The following SAMD5 variants were observed in gnomAD, a reference collection of about 807,000 sequenced individuals.
The protein encoded by SAMD5 is sterile alpha motif domain-containing protein 5.
SAMD5 carries 13 observed loss-of-function variants against 11.3 expected under a neutral mutation model. The ratio of observed to expected loss-of-function variants is 1.15; its 90% CI spans 0.75 to 1.83. SAMD5 has a LOEUF of 1.83. Ranked by LOEUF, SAMD5 falls within the 40% of genes most tolerant of loss-of-function variation. The pLI is 0.00. For synonymous variants in SAMD5, 129 were observed against 111.3 expected (o/e 1.16, Z -1.00); for missense variants, 255 against 239.1 (o/e 1.07, Z -0.44).
At chr6:147,670,345 C>A (rs981938584) in intron 1 of SAMD5, among the ~76,000 whole-genome samples, 1 of 152,158 alleles carries the variant, frequency 6.6e-6, no homozygotes, top group African/African-American at 2.4e-5. Flanking sequence ...ATTGAATGAG[C>A]ATTAGCTTCA....
intron 1 of SAMD5, among the ~76,000 whole-genome samples, chr6:147,691,487 C>A (rs7753649): frequency 5.9e-5 from 9 of 151,902 alleles, no homozygotes; most frequent in African/African-American, 2.2e-4. Flanking sequence ...ACCAAGAGAT[C>A]GTTTGTTACC....
At chr6:147,563,348 T>A (rs1788985006) in intron 1 of SAMD5, among the ~76,000 whole-genome samples, 1 of 152,204 alleles carries the variant, frequency 6.6e-6, no homozygotes, top group Non-Finnish European at 1.5e-5. Flanking sequence ...TGATTTTTAT[T>A]TTTTGGGAGC....
chr6:147,867,284 T>G, the SAMD5 span, among the ~76,000 whole-genome samples: 6 of 150,452 alleles, frequency 4.0e-5, no homozygotes, highest in African/African-American at 1.5e-4. Context: ...AAAAGGTTTT[T>G]TTTTTTTTTT....
At chr6:147,851,574 A>G in the SAMD5 span, among the ~76,000 whole-genome samples, 1 of 152,184 alleles carries the variant, frequency 6.6e-6, no homozygotes, top group African/African-American at 2.4e-5. Context: ...CGAAGTGGTC[A>G]TGTTCTGCCT....
chr6:147,899,519 T>C, the SAMD5 span, among the ~76,000 whole-genome samples: 1 of 152,122 alleles, frequency 6.6e-6, no homozygotes, highest in Non-Finnish European at 1.5e-5. Context: ...ATGGAAAAAA[T>C]AGACTAGCAG....
At chr6:147,524,249 T>C (rs989237111) in intron 1 of SAMD5, among the ~76,000 whole-genome samples, 6 of 152,048 alleles carry the variant, frequency 3.9e-5, no homozygotes, top group African/African-American at 1.2e-4. Context: ...TGACCCACTT[T>C]ATGTGTTCTC....
the SAMD5 span, among the ~76,000 whole-genome samples, chr6:147,836,018 G>A: frequency 3.3e-5 from 5 of 152,190 alleles, no homozygotes; most frequent in African/African-American, 1.2e-4. Flanking sequence ...TGTGAACAAG[G>A]CTTGGCACCA....
At chr6:147,795,860 T>C in the SAMD5 span, among the ~76,000 whole-genome samples, 2 of 152,152 alleles carry the variant, frequency 1.3e-5, no homozygotes, top group Admixed American at 6.5e-5. Flanking sequence ...TGCATAAATG[T>C]GTTCTTTTGA....
intron 1 of SAMD5, among the ~76,000 whole-genome samples, chr6:147,627,699 G>A (rs1159808855): frequency 6.6e-6 from 1 of 152,074 alleles, no homozygotes; most frequent in Non-Finnish European, 1.5e-5. Context: ...ATGATGCCCA[G>A]TCTAGATTTT....
At chr6:147,735,607 A>G (rs1042778047) in intron 1 of SAMD5, among the ~76,000 whole-genome samples, 2 of 152,176 alleles carry the variant, frequency 1.3e-5, no homozygotes, top group Non-Finnish European at 2.9e-5. Context: ...AATTTAAGGA[A>G]TAGTGTGAAG....
chr6:147,738,331 C>T (rs1269496450), downstream of SAMD5, among the ~76,000 whole-genome samples: 3 of 152,244 alleles, frequency 2.0e-5, no homozygotes, highest in South Asian at 2.1e-4. Context: ...TCCTTCTAAG[C>T]GGGAGGATTC....
chr6:147,867,012 A>T, the SAMD5 span, among the ~76,000 whole-genome samples: 10,367 of 152,280 alleles, frequency 0.068, 484 homozygotes, highest in Middle Eastern at 0.11. Context: ...AAAATGCTAA[A>T]TAGCAACAAT....
At chr6:147,758,069 G>C in the SAMD5 span, among the ~76,000 whole-genome samples, 1 of 152,146 alleles carries the variant, frequency 6.6e-6, no homozygotes, top group East Asian at 1.9e-4. Flanking sequence ...CCTACTTTGA[G>C]AAACCTTACT....
chr6:147,509,790 C>T (rs1310920591), intron 1 of SAMD5, among the ~76,000 whole-genome samples: 1 of 152,146 alleles, frequency 6.6e-6, no homozygotes, highest in South Asian at 2.1e-4. Flanking sequence ...TCCTTTTTCT[C>T]TTTCTTTTCC....
chr6:147,888,786 G>A, the SAMD5 span, among the ~76,000 whole-genome samples: 1 of 151,832 alleles, frequency 6.6e-6, no homozygotes, highest in Non-Finnish European at 1.5e-5. Context: ...TCAGGAGGCT[G>A]AGGCAGGAGA....
the SAMD5 span, among the ~76,000 whole-genome samples, chr6:147,841,951 A>G: frequency 2.6e-5 from 4 of 152,214 alleles, no homozygotes; most frequent in African/African-American, 4.8e-5. Context: ...CACAAAATCA[A>G]TACTGCCACC....
chr6:147,931,375 A>G, the SAMD5 span, among the ~76,000 whole-genome samples: 1 of 152,288 alleles, frequency 6.6e-6, no homozygotes, highest in East Asian at 1.9e-4. Flanking sequence ...ATATTAAAGC[A>G]CATATATCTT....
intron 1 of SAMD5, among the ~76,000 whole-genome samples, chr6:147,725,856 T>A (rs935061658): frequency 1.3e-5 from 2 of 152,124 alleles, no homozygotes; most frequent in African/African-American, 4.8e-5. Context: ...GGAGAAATGA[T>A]GGGAGAGACT....
chr6:147,628,418 A>C (rs868176932), intron 1 of SAMD5, among the ~76,000 whole-genome samples: 15 of 152,310 alleles, frequency 9.8e-5, no homozygotes, highest in Non-Finnish European at 1.5e-4. Context: ...ACAGACTCTT[A>C]AACGTATTTT....
Sources: gnomAD v4.1 joint callset for allele counts (sites outside exome capture counted in the v4.1 genomes callset) on GRCh38, gnomAD v4.1.1 for gene constraint, MANE v1.5 for transcripts, NCBI Gene and HGNC (gene_info 2026-07-23, HGNC 2026-07-21) for gene names.